CAMKK2: variants seen among roughly 807,000 people sequenced by gnomAD.
The protein encoded by CAMKK2 is calcium/calmodulin-dependent protein kinase kinase 2.
CAMKK2 carries 30 observed loss-of-function variants against 67.2 expected under a neutral mutation model. The observed-to-expected ratio is 0.45, with a 90% CI of 0.33 to 0.61. CAMKK2 has a LOEUF of 0.61. CAMKK2 is among the 20% of genes least tolerant of loss of function. The pLI, the probability that CAMKK2 is intolerant of heterozygous loss-of-function variation, is 0.02. For synonymous variants in CAMKK2, 322 were observed against 326.2 expected, an observed-to-expected ratio of 0.99 and a Z score of 0.14; for missense variants, 643 against 802.0, an observed-to-expected ratio of 0.80 and a Z score of 2.39.
In CAMKK2 at chr12:121,274,137, G is replaced by A. The variant is rs200657087; in HGVS notation, c.390C>T (p.Pro130=). Reference sequence around the variant, plus strand: ...GAGGCGAGGACTGCGGGGAGCTGACGGGTGAGTAGGGCAGGGACGGGCAGA... The same window carrying A: ...GAGGCGAGGACTGCGGGGAGCTGACAGGTGAGTAGGGCAGGGACGGGCAGA... The part of the protein sequence containing the change: ...RCICPSLPYS[P]VSSPQSSPRL... The change falls in exon 2 of 17, where the codon CCC becomes CCT. Residue 130 remains proline, a synonymous_variant. Transcript: ENST00000404169. 64 of 1,583,208 alleles carry A rather than the reference G, an allele frequency of 4.0e-5. No homozygotes were observed. Among genetic ancestry groups the A allele is most frequent in the South Asian group, 2.3e-5 (2 of 87,830 alleles).
chr12:121,295,360 T>C (rs1294111385), intron 1 of CAMKK2, among the ~76,000 whole-genome samples: 1 of 152,154 alleles, frequency 6.6e-6, no homozygotes. Flanking sequence ...AAGGGGTATG[T>C]GGGGCTTGCC....
intron 13 of CAMKK2, among the ~76,000 whole-genome samples, chr12:121,248,935 A>G (rs1158432930): frequency 1.3e-5 from 2 of 152,220 alleles, no homozygotes; most frequent in Non-Finnish European, 2.9e-5. Flanking sequence ...GAGGAGCTAC[A>G]AGGCTGAAAT....
rs781497110 is a variant in CAMKK2 at position 121,253,351 on chromosome 12, G to A, written c.1029C>T (p.Leu343=). The change falls in exon 10 of 17, where the codon CTC becomes CTT. Residue 343 remains leucine (L), a synonymous_variant. Transcript: ENST00000404169. The surrounding 1 kb of genome is among the most constrained non-coding windows in gnomAD (Gnocchi z 5.0). ...VSNEFKGSDA[L]LSNTVGTPAF... is the part of the protein sequence containing the mutation. ...CGGGCGTGCCCACGGTGTTGGAGAG[G>A]AGCGCGTCACTGCCCTTGAATTCAT... 24 of 1,614,208 alleles carry A rather than the reference G, an allele frequency of 1.5e-5. No individual in the cohort carries two copies. Among genetic ancestry groups the A allele is most frequent in the Non-Finnish European group, 1.9e-5 (22 of 1,180,036 alleles).
At chr12:121,242,010 A>C (rs1888470810) in intron 16 of CAMKK2, among the ~76,000 whole-genome samples, 1 of 152,218 alleles carries the variant, frequency 6.6e-6, no homozygotes, top group Non-Finnish European at 1.5e-5. Context: ...GCCAGTCTCC[A>C]TCTGCTGGTG....
At chr12:121,287,807 C>CA (rs1277593717) in intron 1 of CAMKK2, among the ~76,000 whole-genome samples, 5 of 151,904 alleles carry the variant, frequency 3.3e-5, no homozygotes, top group African/African-American at 4.8e-5. Context: ...CATCACCACA[C>CA]AAAAAAATGT....
In CAMKK2 at chr12:121,253,023, T is replaced by A. The variant is rs545523092; in HGVS notation, c.1107+250A>T. On this transcript the variant is annotated intron_variant, in intron 10 of 16. Coordinates refer to ENST00000404169, the MANE Select transcript of CAMKK2 (RefSeq NM_001270485.2). The surrounding 1 kb of genome is among the most constrained non-coding windows in gnomAD (Gnocchi z 5.0). ...TCTTGCCACTGAGGTTGGCAAATGA[T>A]AGAAAGTAACCTGGTCCCTGGGTGC... 1.3e-5 allele frequency among the ~76,000 whole-genome samples: 2 copies of A among 152,104 alleles called. No homozygotes were observed. The highest frequency in any genetic ancestry group is 2.4e-5 in the African/African-American group (1 of 41,402).
Position 121,255,487 on chromosome 12 carries a change from T to C in CAMKK2, c.907+63A>G, listed in dbSNP as rs746273905. On this transcript the variant is annotated intron_variant, in intron 9 of 16. Coordinates refer to ENST00000404169, the MANE Select transcript of CAMKK2 (RefSeq NM_001270485.2). ...GAAGAAAATAAGACACTTTCCACTTTGCACCCACGCTCAGAATGCTAACTA... is the reference window on the plus strand; with the variant it reads ...GAAGAAAATAAGACACTTTCCACTTCGCACCCACGCTCAGAATGCTAACTA... The C allele has an allele frequency of 1.4e-4, 188 of 1,383,852 alleles. No homozygotes were observed. The highest frequency in any genetic ancestry group is 1.6e-4 in the Non-Finnish European group (164 of 995,906). 85.7% of individuals were successfully genotyped at this position (1,383,852 alleles called of 1,614,324 possible).
chr12:121,246,054 C>G (rs1350617036), intron 14 of CAMKK2, among the ~76,000 whole-genome samples: 2 of 151,882 alleles, frequency 1.3e-5, no homozygotes, highest in Non-Finnish European at 2.9e-5. Context: ...TCTATAGACA[C>G]AGAGGGCAGG....
At chr12:121,249,523 G>A (rs1890212415) in intron 13 of CAMKK2, among the ~76,000 whole-genome samples, 1 of 152,184 alleles carries the variant, frequency 6.6e-6, no homozygotes, top group South Asian at 2.1e-4. Context: ...GGTCTGCAGA[G>A]GGTGGATCCC....
chr12:121,243,943 G>A (rs1888885524), intron 16 of CAMKK2: 6 of 1,444,882 alleles, frequency 4.2e-6, no homozygotes, highest in Non-Finnish European at 5.5e-6. Context: ...TGCAGCAGGG[G>A]TGCCCAGCAG....
At chr12:121,287,911 G>C (rs7975274) in intron 1 of CAMKK2, among the ~76,000 whole-genome samples, 15,696 of 152,232 alleles carry the variant, frequency 0.1, 1,005 homozygotes, top group East Asian at 0.23. Context: ...GGTTGGGGCT[G>C]TACTGAGCTA....
chr12:121,259,704 C>A (rs1893049318), intron 7 of CAMKK2, among the ~76,000 whole-genome samples: 1 of 152,100 alleles, frequency 6.6e-6, no homozygotes, highest in Non-Finnish European at 1.5e-5. Flanking sequence ...ATCCATGAAA[C>A]TATGAGTTTG....
chr12:121,260,439 A>G, intron 6 of CAMKK2, 84 bp from the exon 7 acceptor site: 1 of 1,303,678 alleles, frequency 7.7e-7, no homozygotes, highest in Non-Finnish European at 1.1e-6. Context: ...AGGAGGCAGC[A>G]TCCACGTGGC....
chr12:121,257,274 T>C (rs1050767490), intron 7 of CAMKK2, among the ~76,000 whole-genome samples: 1 of 147,508 alleles, frequency 6.8e-6, no homozygotes, highest in Non-Finnish European at 1.5e-5. Context: ...TGAAATGGAG[T>C]CTTGCTCTGT....
intron 1 of CAMKK2, among the ~76,000 whole-genome samples, chr12:121,292,595 C>T (rs1237508835): frequency 6.6e-6 from 1 of 152,204 alleles, no homozygotes; most frequent in Non-Finnish European, 1.5e-5. Flanking sequence ...CACCATGCAG[C>T]CAGCCGGCCT....
rs988888272 is a variant in CAMKK2 at position 121,245,423 on chromosome 12, T to C, written c.1453-183A>G. On this transcript the variant is annotated intron_variant, in intron 14 of 16. Coordinates refer to ENST00000404169, the MANE Select transcript of CAMKK2 (RefSeq NM_001270485.2). The surrounding 1 kb of genome is among the most constrained non-coding windows in gnomAD (Gnocchi z 5.8). The stretch of plus-strand genomic sequence containing the variant: ...CAACCAACCCCCGCCGAAAGAATCC[T>C]CTGGGAAAAGGTGCTGTCCTGCACC... 3.3e-5 allele frequency among the ~76,000 whole-genome samples: 5 copies of C among 152,172 alleles called. No individual in the cohort carries two copies. The highest frequency in any genetic ancestry group is 3.3e-4 in the Admixed American group (5 of 15,278).
chr12:121,280,857 G>A (rs1025606393), intron 1 of CAMKK2, among the ~76,000 whole-genome samples: 1 of 152,192 alleles, frequency 6.6e-6, no homozygotes, highest in African/African-American at 2.4e-5. Flanking sequence ...CAATGACAAT[G>A]TTGCCCGAAA....
intron 6 of CAMKK2, among the ~76,000 whole-genome samples, chr12:121,260,708 T>G (rs945902340): frequency 6.6e-6 from 1 of 152,036 alleles, no homozygotes; most frequent in Non-Finnish European, 1.5e-5. Flanking sequence ...ATCCCAGCAC[T>G]TTGGGAGGCC....
Position 121,244,599 on chromosome 12 carries a change from C to A in CAMKK2, c.1570G>T (p.Glu524Ter). 1 of 1,564,818 alleles carries A rather than the reference C, an allele frequency of 6.4e-7. No individual in the cohort carries two copies. Among genetic ancestry groups the A allele is most frequent in the Admixed American group, 1.9e-5 (1 of 52,244 alleles). Residue 524 changes from glutamate to a stop codon, truncating the protein, a stop_gained, in exon 16 of 17, where the codon GAA (glutamate) becomes TAA (stop). Coordinates refer to ENST00000404169, the MANE Select transcript of CAMKK2 (RefSeq NM_001270485.2). LOFTEE classifies it high-confidence loss of function. ...TTGAGCTCAGACAGGGACTCACATTCCCTGGTTGGTTTTTTGCTGGAATCA... is the reference window on the plus strand; with the variant it reads ...TTGAGCTCAGACAGGGACTCACATTACCTGGTTGGTTTTTTGCTGGAATCA... ...GNLLTKKPTR[E>*]CESLSELKEA...
Sources: allele counts gnomAD v4.1 joint callset (sites outside exome capture counted in the v4.1 genomes callset), GRCh38; gene constraint gnomAD v4.1.1; non-coding constraint Gnocchi (gnomAD v3.1); transcripts MANE v1.5; gene names NCBI Gene and HGNC (gene_info 2026-07-23, HGNC 2026-07-21).